SLC27A1: variants seen among roughly 807,000 people sequenced by gnomAD.
The protein encoded by SLC27A1 is long-chain fatty acid transport protein 1.
Under a neutral mutation model 62.2 loss-of-function variants are expected in SLC27A1, and 61 were observed. The ratio of observed to expected loss-of-function variants is 0.98; its 90% CI spans 0.80 to 1.21. The LOEUF is 1.21. Among genes scored for constraint, SLC27A1 ranks in the 50% most tolerant of loss-of-function variants. The pLI is 0.00. For synonymous variants in SLC27A1, 435 were observed against 408.6 expected (o/e 1.06, Z -0.78); for missense variants, 903 against 932.1 (o/e 0.97, Z 0.41).
intron 1 of SLC27A1, 47 bp downstream of exon 1, chr19:17,470,754 C>T (rs373371192): frequency 1.4e-6 from 2 of 1,464,948 alleles, no homozygotes; most frequent in Non-Finnish European, 1.8e-6. Flanking sequence ...GGGCTGAGGG[C>T]TCTGGGGGCG....
At chr19:17,485,191 C>CTTTTTTTTT (rs386388659) in intron 1 of SLC27A1, among the ~76,000 whole-genome samples, 143 of 104,902 alleles carry the variant, frequency 1.4e-3, no homozygotes, top group Non-Finnish European at 2.2e-3. Flanking sequence ...TTTTTGTTTC[C>CTTTTTTTTT]TTTTTTTTTT....
intron 1 of SLC27A1, among the ~76,000 whole-genome samples, chr19:17,485,587 T>C (rs1461504304): frequency 6.6e-6 from 1 of 151,788 alleles, no homozygotes; most frequent in African/African-American, 2.4e-5. Context: ...TCCAATACTT[T>C]GGGAGGCCAG....
chr19:17,487,431 C>T, intron 3 of SLC27A1, 29 bp from the exon 4 acceptor site: 1 of 1,587,014 alleles, frequency 6.3e-7, no homozygotes, highest in South Asian at 1.1e-5. Context: ...ATGCTCAGGC[C>T]CCACCCCTAA....
In SLC27A1 at chr19:17,479,843, C is replaced by T. The variant is rs1356289781; in HGVS notation, c.168-6720C>T. 3.3e-5 allele frequency among the ~76,000 whole-genome samples: 5 copies of T among 152,094 alleles called. No homozygotes were observed. The East Asian group carries it at 7.7e-4, about 23-fold the overall frequency. On this transcript the variant is annotated intron_variant, in intron 1 of 11. Coordinates refer to ENST00000252595, the MANE Select transcript of SLC27A1 (RefSeq NM_198580.3). ...ATCTTTAGTAGAGACGGAGTTTTGCCATGTTGGCCAGGCTGGTCTCAAACT... is the reference window on the plus strand; with the variant it reads ...ATCTTTAGTAGAGACGGAGTTTTGCTATGTTGGCCAGGCTGGTCTCAAACT...
Position 17,497,438 on chromosome 19 carries a change from T to C in SLC27A1, c.1180T>C (p.Cys394Arg), listed in dbSNP as rs2075362383. The C allele has an allele frequency of 6.2e-7, 1 of 1,607,196 alleles. No homozygotes were observed. The highest frequency in any genetic ancestry group is 1.1e-5 in the South Asian group (1 of 89,958). ...GEFYGATECN[C>R]SIANMDGKVG... is the part of the protein sequence containing the mutation. ...GTTCTACGGCGCCACCGAGTGCAAC[T>C]GCAGCATTGCCAACATGGACGGCAA... is the stretch of plus-strand genomic sequence containing the variant. Residue 394 changes from cysteine (C) to arginine (R), a missense_variant, in exon 7 of 12, where the codon TGC becomes CGC. Coordinates refer to ENST00000252595, the MANE Select transcript of SLC27A1 (RefSeq NM_198580.3).
intron 1 of SLC27A1, among the ~76,000 whole-genome samples, chr19:17,477,919 G>C (rs1197411469): frequency 6.6e-6 from 1 of 151,790 alleles, no homozygotes; most frequent in Admixed American, 6.6e-5. Flanking sequence ...TCACTATATT[G>C]CCCAGGCTGG....
At chr19:17,478,466 CAAAAA>C (rs869214050) in intron 1 of SLC27A1, among the ~76,000 whole-genome samples, 2 of 48,406 alleles carry the variant, frequency 4.1e-5, no homozygotes, top group African/African-American at 8.1e-5. Context: ...GACTCCGTCT[CAAAAA>C]AAAAAAAAAA....
chr19:17,480,236 C>T (rs531187601), intron 1 of SLC27A1, among the ~76,000 whole-genome samples: 17 of 152,018 alleles, frequency 1.1e-4, no homozygotes, highest in Admixed American at 8.5e-4. Flanking sequence ...CCATGTTGGC[C>T]GGGCTGGTCT....
chr19:17,489,374 C>G (rs879624824), intron 6 of SLC27A1, among the ~76,000 whole-genome samples: 1 of 152,148 alleles, frequency 6.6e-6, no homozygotes, highest in Non-Finnish European at 1.5e-5. Context: ...GGGTGGGGAG[C>G]GGGGCTTAAG....
intron 4 of SLC27A1, 123 bp downstream of exon 4, chr19:17,487,652 C>G (rs1026508193): frequency 2.1e-6 from 2 of 936,628 alleles, no homozygotes; most frequent in East Asian, 5.2e-5. Flanking sequence ...GAGAGGGCAG[C>G]TGGTGTTTCC....
chr19:17,502,460 T>C (rs1433602389), intron 11 of SLC27A1, among the ~76,000 whole-genome samples: 1 of 145,452 alleles, frequency 6.9e-6, no homozygotes, highest in Non-Finnish European at 1.5e-5. Context: ...CAAGCGATTC[T>C]CCTGCCTCAG....
upstream of SLC27A1, among the ~76,000 whole-genome samples, chr19:17,470,114 T>G (rs1258928668): frequency 2.6e-5 from 4 of 151,630 alleles, no homozygotes; most frequent in South Asian, 8.3e-4. Context: ...GGATAGAGGC[T>G]AGATGAAGGC....
chr19:17,478,079 C>G (rs770302796), intron 1 of SLC27A1, among the ~76,000 whole-genome samples: 22 of 152,144 alleles, frequency 1.4e-4, no homozygotes, highest in Admixed American at 1.4e-3. Context: ...GCTGCTGTAA[C>G]ACACATATTT....
upstream of SLC27A1, chr19:17,468,948 C>T (rs1248058543): frequency 2.0e-5 from 3 of 152,626 alleles, no homozygotes; most frequent in African/African-American, 7.2e-5. Context: ...CCTCAGCCTC[C>T]TAGTCCCTGC....
Position 17,500,708 on chromosome 19 carries a change from C to T in SLC27A1, c.1472-4C>T, listed in dbSNP as rs1469671216. The T allele has an allele frequency of 1.2e-6, 2 of 1,614,128 alleles. No individual in the cohort carries two copies. On this transcript the variant is annotated splice_polypyrimidine_tract_variant and splice_region_variant and intron_variant, in intron 9 of 11. Transcript: ENST00000252595. ...CACCCATCTGCCCCTCTCCCCTCTG[C>T]CAGGTGACGTGCTAGTGATGGATGA...
chr19:17,504,919 G>A lies in SLC27A1; in HGVS notation c.*307G>A, dbSNP rs899620505. On this transcript the variant is annotated 3_prime_UTR_variant, in exon 12 of 12. Transcript: ENST00000252595. ...TTCTTTCTTTTTTTTTTAAGATAGA[G>A]TCTCACTCTGCTGCCCGGGCTAGAG... is the stretch of plus-strand genomic sequence containing the variant. 5 of 502,484 alleles carry A rather than the reference G, an allele frequency of 1.0e-5. No homozygotes were observed. Among genetic ancestry groups the A allele is most frequent in the Non-Finnish European group, 1.9e-5 (5 of 259,776 alleles). 31.1% of individuals were successfully genotyped at this position (502,484 alleles called of 1,614,324 possible). A position where few individuals can be genotyped will look rare whatever the true frequency, so the allele number is the denominator to read the frequency against.
chr19:17,482,629 C>T lies in SLC27A1; in HGVS notation c.168-3934C>T, dbSNP rs1049638401. Among the ~76,000 whole-genome samples the T allele has an allele frequency of 3.2e-5, 4 of 123,624 alleles. No individual in the cohort carries two copies. In the South Asian group the frequency reaches 7.4e-4, roughly 23 times the overall value. 81.1% of individuals were successfully genotyped at this position (123,624 alleles called of 152,430 possible). ...TAGCACCACTGCACTCTGGCCTGGACGACAGAGCAAGACTCTGTCTCAAAA... is the reference window on the plus strand; with the variant it reads ...TAGCACCACTGCACTCTGGCCTGGATGACAGAGCAAGACTCTGTCTCAAAA... On this transcript the variant is annotated intron_variant, in intron 1 of 11. Coordinates refer to ENST00000252595, the MANE Select transcript of SLC27A1 (RefSeq NM_198580.3).
chr19:17,472,496 C>T (rs567267209), intron 1 of SLC27A1, among the ~76,000 whole-genome samples: 1 of 152,030 alleles, frequency 6.6e-6, no homozygotes, highest in East Asian at 1.9e-4. Flanking sequence ...TCCCTTTTGT[C>T]GCCTAGCTGC....
chr19:17,477,240 C>CTTGTTTTTTT (rs2075132323), intron 1 of SLC27A1, among the ~76,000 whole-genome samples: 3 of 43,808 alleles, frequency 6.8e-5, no homozygotes, highest in South Asian at 1.2e-3. Flanking sequence ...ATGAGCAGCG[C>CTTGTTTTTTT]TTTTTTTTTT....
Sources: gnomAD v4.1 joint callset for allele counts (sites outside exome capture counted in the v4.1 genomes callset) on GRCh38, gnomAD v4.1.1 for gene constraint, MANE v1.5 for transcripts, NCBI Gene and HGNC (gene_info 2026-07-23, HGNC 2026-07-21) for gene names.